Variants in BAZ1A observed in about 807,000 individuals in gnomAD.
BAZ1A encodes bromodomain adjacent to zinc finger domain protein 1A.
A neutral mutation model predicts 185.2 loss-of-function variants in BAZ1A; 50 were observed. That is an observed-to-expected ratio of 0.27 (90% CI 0.22 to 0.34). The LOEUF (loss-of-function observed/expected upper bound fraction) is 0.34. Among genes scored for constraint, BAZ1A ranks in the 10% least tolerant of loss-of-function variants. The probability of loss-of-function intolerance (pLI) is 1.00; values close to 1 mark genes in which losing one functional copy is unlikely to be tolerated. For synonymous variants in BAZ1A, 571 were observed against 615.6 expected (o/e 0.93, Z 1.07); for missense variants, 1,356 against 1,839.9 (o/e 0.74, Z 4.81).
intron 6 of BAZ1A, among the ~76,000 whole-genome samples, chr14:34,803,511 AACC>A (rs1163514111): frequency 6.6e-6 from 1 of 152,130 alleles, no homozygotes; most frequent in African/African-American, 2.4e-5. Flanking sequence ...CCAAAAAGAA[AACC>A]ACAATTCAAA....
intron 3 of BAZ1A, among the ~76,000 whole-genome samples, chr14:34,853,980 T>C (rs1445352706): frequency 6.6e-6 from 1 of 152,226 alleles, no homozygotes; most frequent in African/African-American, 2.4e-5. Flanking sequence ...GCCAAAAAGT[T>C]ATACAGGTAG....
At chr14:34,810,824 A>T in intron 5 of BAZ1A, 111 bp downstream of exon 5, 2 of 762,522 alleles carry the variant, frequency 2.6e-6, no homozygotes, top group Non-Finnish European at 4.3e-6. Context: ...ATTTATTTTT[A>T]AGAAGGAAAG....
intron 21 of BAZ1A, among the ~76,000 whole-genome samples, chr14:34,767,821 A>G (rs1878951473): frequency 1.3e-5 from 2 of 152,158 alleles, no homozygotes; most frequent in South Asian, 4.1e-4. Flanking sequence ...GGGAAGAAAG[A>G]CAAATTATGA....
intron 3 of BAZ1A, among the ~76,000 whole-genome samples, chr14:34,837,061 C>A (rs1266794704): frequency 2.6e-5 from 4 of 151,730 alleles, no homozygotes; most frequent in Non-Finnish European, 5.9e-5. Flanking sequence ...GCATGAGCAA[C>A]CATGCCTGGC....
intron 24 of BAZ1A, among the ~76,000 whole-genome samples, chr14:34,759,693 G>A (rs1218993635): frequency 6.6e-6 from 1 of 151,382 alleles, no homozygotes; most frequent in African/African-American, 2.4e-5. Context: ...TTTAATTTTT[G>A]AGACAGAGTC....
intron 3 of BAZ1A, among the ~76,000 whole-genome samples, chr14:34,849,029 TGGCTCACACTTATA>T (rs2042558424): frequency 6.6e-6 from 1 of 152,156 alleles, no homozygotes; most frequent in Admixed American, 6.5e-5. Context: ...CTAGGTGTGG[TGGCTCACACTTATA>T]ATCCCAGCAC....
intron 3 of BAZ1A, among the ~76,000 whole-genome samples, chr14:34,857,051 G>A (rs1232973567): frequency 2.0e-5 from 3 of 147,408 alleles, no homozygotes; most frequent in Non-Finnish European, 4.5e-5. Context: ...GTGTCACCCA[G>A]GCTGGAGTGC....
chr14:34,785,945 G>C lies in BAZ1A; in HGVS notation c.1663C>G (p.Leu555Val), dbSNP rs758601290. ...DSCTLSEILR[L>V]HILASGADVT... Reference sequence around the variant, plus strand: ...TCAGCACCTGAAGCTAAGATGTGCAGTCTGAGGATTTCTGAAAGAGTGCAG... The same window carrying C: ...TCAGCACCTGAAGCTAAGATGTGCACTCTGAGGATTTCTGAAAGAGTGCAG... The change falls in exon 14 of 27, where the codon CTG (leucine) becomes GTG (valine). Residue 555 changes from leucine to valine, a missense_variant. Physicochemically the swap from Leu to Val is conservative, Grantham distance 32. This residue lies in a region of BAZ1A where 184 missense variants were observed against 355.1 expected (regional missense o/e 0.52). Transcript: ENST00000360310. 3 of 1,614,128 alleles carry C rather than the reference G, an allele frequency of 1.9e-6. No individual in the cohort carries two copies. Among genetic ancestry groups the C allele is most frequent in the Non-Finnish European group, 1.7e-6 (2 of 1,180,040 alleles).
intron 3 of BAZ1A, among the ~76,000 whole-genome samples, chr14:34,851,001 C>G (rs2042587681): frequency 6.6e-6 from 1 of 152,122 alleles, no homozygotes; most frequent in Admixed American, 6.6e-5. Context: ...ACTACATCAA[C>G]ATGCCAATTC....
intron 2 of BAZ1A, among the ~76,000 whole-genome samples, chr14:34,872,941 A>AACAAAAAAAAAACAAC (rs1555346584): frequency 7.3e-5 from 9 of 122,620 alleles, no homozygotes; most frequent in Admixed American, 3.4e-4. Context: ...AAAAAAAAAA[A>AACAAAAAAAAAACAAC]CTTGTCCAAT....
At chr14:34,834,206 G>C (rs2042294211) in intron 3 of BAZ1A, among the ~76,000 whole-genome samples, 2 of 152,188 alleles carry the variant, frequency 1.3e-5, no homozygotes, top group African/African-American at 4.8e-5. Context: ...TATTACTAAG[G>C]CTTCTGGGAA....
At chr14:34,861,813 G>A (rs1342627220) in intron 3 of BAZ1A, among the ~76,000 whole-genome samples, 1 of 151,668 alleles carries the variant, frequency 6.6e-6, no homozygotes, top group African/African-American at 2.4e-5. Context: ...TAAGACACAT[G>A]TTATATATAC....
chr14:34,847,652 C>T (rs1003564212), intron 3 of BAZ1A, among the ~76,000 whole-genome samples: 4 of 152,208 alleles, frequency 2.6e-5, no homozygotes, highest in Middle Eastern at 6.8e-3. Context: ...ATTTGTTTCT[C>T]GCTTGAATCT....
At chr14:34,796,397 C>T (rs968072903) in intron 9 of BAZ1A, among the ~76,000 whole-genome samples, 1 of 152,110 alleles carries the variant, frequency 6.6e-6, no homozygotes, top group Non-Finnish European at 1.5e-5. Flanking sequence ...CAATAAGATC[C>T]TAGCAAAATA....
intron 3 of BAZ1A, among the ~76,000 whole-genome samples, chr14:34,845,653 G>C (rs570808663): frequency 1.0e-3 from 155 of 152,254 alleles, no homozygotes; most frequent in Non-Finnish European, 1.7e-3. Flanking sequence ...GAGGTCAAGA[G>C]ATCGAGACCA....
intron 2 of BAZ1A, among the ~76,000 whole-genome samples, chr14:34,870,517 T>C (rs2042933968): frequency 6.6e-6 from 1 of 152,222 alleles, no homozygotes; most frequent in Non-Finnish European, 1.5e-5. Flanking sequence ...GATGATGTTC[T>C]GATATGTCCA....
At chr14:34,839,370 T>C (rs1000103626) in intron 3 of BAZ1A, among the ~76,000 whole-genome samples, 1 of 151,326 alleles carries the variant, frequency 6.6e-6, no homozygotes, top group East Asian at 1.9e-4. Flanking sequence ...TGAAACTCTA[T>C]GTCTACAAAA....
intron 25 of BAZ1A, among the ~76,000 whole-genome samples, chr14:34,755,813 T>G (rs1886215158): frequency 6.8e-6 from 1 of 146,868 alleles, no homozygotes. Flanking sequence ...ATACCTATCT[T>G]TTTTTTTTTT....
intron 11 of BAZ1A, 62 bp from the exon 12 acceptor site, chr14:34,792,983 A>G: frequency 7.0e-7 from 1 of 1,426,482 alleles, no homozygotes; most frequent in Non-Finnish European, 9.5e-7. Flanking sequence ...AAACAACTCC[A>G]CTGGAATAAA....
Sources: allele counts gnomAD v4.1 joint callset (sites outside exome capture counted in the v4.1 genomes callset), GRCh38; gene constraint gnomAD v4.1.1; regional missense constraint gnomAD v4.1.1; transcripts MANE v1.5; gene names NCBI Gene and HGNC (gene_info 2026-07-23, HGNC 2026-07-21).